The following RAB3C variants were observed in gnomAD, a reference collection of about 807,000 sequenced individuals.
RAB3C encodes the protein ras-related protein Rab-3C.
A neutral mutation model predicts 26.4 loss-of-function variants in RAB3C; 17 were observed. That is an observed-to-expected ratio of 0.64 (90% CI 0.44 to 0.97). The LOEUF is 0.97. Ranked by LOEUF, RAB3C falls within the 50% of genes least tolerant of loss-of-function variation. The pLI is 0.00. For synonymous variants in RAB3C, 91 were observed against 95.9 expected (o/e 0.95, Z 0.30); for missense variants, 242 against 281.9 (o/e 0.86, Z 1.01).
rs537827422 is a variant in RAB3C, at chr5:58,815,378, A to G, written c.372-9660A>G. ...GGTTCTTCAAAGCAGCTCTTCCACA[A>G]TGTCAAAGTGCTAAGTAACTCCTAA... On this transcript the variant is annotated intron_variant, in intron 3 of 4. Coordinates refer to ENST00000282878, the MANE Select transcript of RAB3C (RefSeq NM_138453.4). 9.2e-5 allele frequency among the ~76,000 whole-genome samples: 14 copies of G among 152,282 alleles called. No individual in the cohort carries two copies. In the South Asian group the frequency reaches 2.1e-3, roughly 23 times the overall value.
chr5:58,634,689 C>A (rs1412031996), intron 2 of RAB3C, among the ~76,000 whole-genome samples: 1 of 152,060 alleles, frequency 6.6e-6, no homozygotes, highest in Non-Finnish European at 1.5e-5. Flanking sequence ...ATCAGAGTGC[C>A]CCACCATCAC....
At chr5:58,804,558 C>G (rs181627797) in intron 3 of RAB3C, among the ~76,000 whole-genome samples, 3 of 152,254 alleles carry the variant, frequency 2.0e-5, no homozygotes, top group Non-Finnish European at 4.4e-5. Context: ...GCTAACACAT[C>G]TTTAGCACCT....
chr5:58,716,495 A>G (rs1749176370), intron 2 of RAB3C, among the ~76,000 whole-genome samples: 1 of 152,090 alleles, frequency 6.6e-6, no homozygotes. Flanking sequence ...GTGACTTAGA[A>G]CTGGCACCTA....
chr5:58,691,760 C>A (rs897922582), intron 2 of RAB3C, among the ~76,000 whole-genome samples: 4 of 152,088 alleles, frequency 2.6e-5, no homozygotes, highest in African/African-American at 7.2e-5. Flanking sequence ...TTGCATAATG[C>A]ACTTTTGGAC....
At chr5:58,740,519 G>T (rs574777191) in intron 3 of RAB3C, among the ~76,000 whole-genome samples, 1 of 152,164 alleles carries the variant, frequency 6.6e-6, no homozygotes, top group Non-Finnish European at 1.5e-5. Flanking sequence ...TGACTATTTT[G>T]ATTATAAAAT....
intron 2 of RAB3C, among the ~76,000 whole-genome samples, chr5:58,621,965 G>T (rs425203): frequency 6.6e-6 from 1 of 151,978 alleles, no homozygotes; most frequent in Non-Finnish European, 1.5e-5. Context: ...TTCTTGTCAC[G>T]TGCTGCATAG....
intron 2 of RAB3C, among the ~76,000 whole-genome samples, chr5:58,643,357 T>G (rs924115984): frequency 6.6e-6 from 1 of 152,248 alleles, no homozygotes; most frequent in African/African-American, 2.4e-5. Flanking sequence ...TTAGGATAAA[T>G]GACATAAGTA....
intron 4 of RAB3C, 66 bp from the exon 5 acceptor site, chr5:58,851,097 TA>T: frequency 6.8e-7 from 1 of 1,464,920 alleles, no homozygotes; most frequent in African/African-American, 1.4e-5. Flanking sequence ...TTGAAAGCCA[TA>T]ATCAAGTCCC....
chr5:58,788,638 C>T (rs1394466908), intron 3 of RAB3C, among the ~76,000 whole-genome samples: 1 of 152,070 alleles, frequency 6.6e-6, no homozygotes, highest in Non-Finnish European at 1.5e-5. Context: ...ATTTCAAATG[C>T]ACTAATAAAG....
intron 2 of RAB3C, among the ~76,000 whole-genome samples, chr5:58,669,956 G>T (rs141927537): frequency 1.3e-5 from 2 of 152,068 alleles, no homozygotes; most frequent in African/African-American, 2.4e-5. Flanking sequence ...TCTCATTCCC[G>T]TTTGTTTTGA....
At chr5:58,658,542 A>G (rs1198545964) in intron 2 of RAB3C, among the ~76,000 whole-genome samples, 2 of 152,200 alleles carry the variant, frequency 1.3e-5, no homozygotes, top group Non-Finnish European at 2.9e-5. Context: ...AAAGATAAAA[A>G]CATTCCTTAT....
chr5:58,655,480 G>C (rs1747749860), intron 2 of RAB3C, among the ~76,000 whole-genome samples: 1 of 152,146 alleles, frequency 6.6e-6, no homozygotes, highest in Admixed American at 6.5e-5. Flanking sequence ...GGAGGCAAAG[G>C]CTCTAGTTTA....
upstream of RAB3C, chr5:58,583,069 A>C (rs1745935692): frequency 2.0e-6 from 3 of 1,510,910 alleles, no homozygotes; most frequent in East Asian, 2.4e-5. Flanking sequence ...AGGAGAGGAC[A>C]GCTCCAGTGC....
At chr5:58,825,290 C>A (rs113708245) in intron 4 of RAB3C, 128 bp downstream of exon 4, 2 of 987,444 alleles carry the variant, frequency 2.0e-6, no homozygotes, top group Non-Finnish European at 2.8e-6. Context: ...TGGAAAGCAA[C>A]ATAATCCTCC....
chr5:58,747,107 C>T (rs954569389), intron 3 of RAB3C, among the ~76,000 whole-genome samples: 4 of 152,174 alleles, frequency 2.6e-5, no homozygotes, highest in African/African-American at 9.6e-5. Flanking sequence ...ACAAAATCTT[C>T]TGGTTTTTTT....
At chr5:58,603,315 A>G (rs562120323) in intron 1 of RAB3C, among the ~76,000 whole-genome samples, 8 of 152,242 alleles carry the variant, frequency 5.3e-5, no homozygotes, top group African/African-American at 1.9e-4. Context: ...TTTGTGATAC[A>G]TTTCCCAGGT....
At chr5:58,719,020 A>G (rs1740674964) in intron 2 of RAB3C, among the ~76,000 whole-genome samples, 1 of 152,042 alleles carries the variant, frequency 6.6e-6, no homozygotes, top group Admixed American at 6.6e-5. Flanking sequence ...TATTAATGAC[A>G]TTACACAAAC....
At chr5:58,678,001 T>TGTGC (rs746269233) in intron 2 of RAB3C, among the ~76,000 whole-genome samples, 1 of 145,192 alleles carries the variant, frequency 6.9e-6, no homozygotes, top group Non-Finnish European at 1.5e-5. Context: ...TGTGTGTGTG[T>TGTGC]GCATGCGTGT....
intron 4 of RAB3C, among the ~76,000 whole-genome samples, chr5:58,844,373 T>TA (rs1743942849): frequency 6.6e-6 from 1 of 152,230 alleles, no homozygotes; most frequent in Admixed American, 6.5e-5. Flanking sequence ...ACCATTTTTT[T>TA]AGTAGCACTA....
Sources: gnomAD v4.1 joint callset for allele counts (sites outside exome capture counted in the v4.1 genomes callset) on GRCh38, gnomAD v4.1.1 for gene constraint, MANE v1.5 for transcripts, NCBI Gene and HGNC (gene_info 2026-07-23, HGNC 2026-07-21) for gene names.